DOCK8: variants seen among roughly 807,000 people sequenced by gnomAD.
DOCK8 encodes the protein dedicator of cytokinesis 8, also known as dedicator of cytokinesis protein 8.
DOCK8 carries 141 observed loss-of-function variants against 245.6 expected under a neutral mutation model. The observed-to-expected ratio is 0.57, with a 90% CI of 0.50 to 0.66. DOCK8 has a LOEUF of 0.66. DOCK8 is among the 30% of genes least tolerant of loss of function. The pLI, the probability that DOCK8 is intolerant of heterozygous loss-of-function variation, is 0.00. For synonymous variants in DOCK8, 1,168 were observed against 970.2 expected, an observed-to-expected ratio of 1.20 and a Z score of -3.79; for missense variants, 2,965 against 2,603.4, an observed-to-expected ratio of 1.14 and a Z score of -3.02.
At chr9:332,581 C>T in intron 10 of DOCK8, 103 bp downstream of exon 10, 1 of 773,464 alleles carries the variant, frequency 1.3e-6, no homozygotes, top group Middle Eastern at 2.5e-4. Flanking sequence ...CTAATGTGTC[C>T]CTATATAAGA....
rs146252128 is a variant in DOCK8, at chr9:387,351, G to T, written c.2874+925G>T. Among the ~76,000 whole-genome samples the T allele has an allele frequency of 2.2e-3, 340 of 151,732 alleles. 3 individuals are homozygous for T. The highest frequency in any genetic ancestry group is 7.9e-3 in the African/African-American group (325 of 41,340). ...TCAGCTACTCAGGAGGCTGAGGCAGGAGAATCACTTGAACACGGGAGGCAG... is the reference window on the plus strand; with the variant it reads ...TCAGCTACTCAGGAGGCTGAGGCAGTAGAATCACTTGAACACGGGAGGCAG... On this transcript the variant is annotated intron_variant, in intron 23 of 47. Coordinates refer to ENST00000432829, the MANE Select transcript of DOCK8 (RefSeq NM_203447.4).
intron 1 of DOCK8, among the ~76,000 whole-genome samples, chr9:258,383 G>C (rs2047831249): frequency 6.6e-6 from 1 of 152,124 alleles, no homozygotes; most frequent in African/African-American, 2.4e-5. Flanking sequence ...GCTATGCTGG[G>C]ACAAATAACT....
chr9:432,467 C>T, intron 37 of DOCK8, 143 bp downstream of exon 37: 4 of 800,266 alleles, frequency 5.0e-6, no homozygotes, highest in Middle Eastern at 3.0e-4. Flanking sequence ...CATGTGCTCT[C>T]AGCACTCTGA....
In DOCK8 at chr9:400,939, C is replaced by T. The variant is rs1368745338; in HGVS notation, c.3234+1680C>T. ...CCTTCACCATCACCACAACATCCAC[C>T]ACCACCATCACCACCACCACCACCA... On this transcript the variant is annotated intron_variant, in intron 26 of 47. Transcript: ENST00000432829. Among the ~76,000 whole-genome samples, 3 of 135,424 alleles carry T rather than the reference C, an allele frequency of 2.2e-5. 1 individual carries two copies. Among genetic ancestry groups the T allele is most frequent in the Non-Finnish European group, 3.2e-5 (2 of 61,972 alleles). 88.8% of individuals were successfully genotyped at this position (135,424 alleles called of 152,430 possible).
chr9:275,235 C>T (rs1272513390), intron 2 of DOCK8, among the ~76,000 whole-genome samples: 3 of 152,130 alleles, frequency 2.0e-5, no homozygotes, highest in African/African-American at 7.2e-5. Context: ...ACTATGGAGA[C>T]ACTGTGGGAG....
intron 28 of DOCK8, among the ~76,000 whole-genome samples, chr9:413,994 T>C (rs1189685404): frequency 6.6e-6 from 1 of 152,020 alleles, no homozygotes; most frequent in Non-Finnish European, 1.5e-5. Context: ...ATACAAAAAT[T>C]AGCCAGGTGT....
chr9:400,977 T>TCACCACCACCTCCACCATCACCACCAC lies in DOCK8; in HGVS notation c.3234+1725_3234+1726insACCTCCACCATCACCACCACCACCACC, dbSNP rs1397127411. Among the ~76,000 whole-genome samples, 15 of 65,816 alleles carry TCACCACCACCTCCACCATCACCACCAC rather than the reference T, an allele frequency of 2.3e-4. 2 individuals are homozygous for TCACCACCACCTCCACCATCACCACCAC. Among genetic ancestry groups the TCACCACCACCTCCACCATCACCACCAC allele is most frequent in the African/African-American group, 1.3e-3 (14 of 10,726 alleles). The allele number at this position is 65,816 out of a possible 152,430, so 43.2% of individuals were successfully genotyped here. ...ACCACCACCACCACCTCCTCCACCA[T>TCACCACCACCTCCACCATCACCACCAC]CACCACCTCCTCCACCACCACCACC... is the stretch of plus-strand genomic sequence containing the variant. On this transcript the variant is annotated intron_variant, in intron 26 of 47. Coordinates refer to ENST00000432829, the MANE Select transcript of DOCK8 (RefSeq NM_203447.4).
intron 12 of DOCK8, 43 bp from the exon 13 acceptor site, chr9:338,963 G>A (rs2051446203): frequency 8.3e-6 from 13 of 1,560,454 alleles, no homozygotes; most frequent in Non-Finnish European, 1.1e-5. Flanking sequence ...CAACCCAAGA[G>A]TCAAAGGTGC....
chr9:329,637 A>G (rs2050917865), intron 9 of DOCK8, among the ~76,000 whole-genome samples: 1 of 152,204 alleles, frequency 6.6e-6, no homozygotes, highest in African/African-American at 2.4e-5. Flanking sequence ...AAAGCCCACT[A>G]TGATAGCCCT....
chr9:234,410 G>T (rs371962578), intron 1 of DOCK8, among the ~76,000 whole-genome samples: 1 of 152,096 alleles, frequency 6.6e-6, no homozygotes, highest in Non-Finnish European at 1.5e-5. Context: ...TCTTTGTGGC[G>T]TTCTCTGTAT....
intron 24 of DOCK8, among the ~76,000 whole-genome samples, chr9:396,240 G>C (rs1259886179): frequency 6.6e-6 from 1 of 152,158 alleles, no homozygotes; most frequent in African/African-American, 2.4e-5. Flanking sequence ...TATAGGAGCA[G>C]AAGATAACTG....
At chr9:369,858 A>G (rs1428368045) in intron 15 of DOCK8, 1 of 276,196 alleles carries the variant, frequency 3.6e-6, no homozygotes, top group African/African-American at 2.2e-5. Context: ...CTGGGGTGCA[A>G]TGGTGCAATC....
chr9:305,536 C>T (rs10121619), intron 5 of DOCK8, among the ~76,000 whole-genome samples: 39,094 of 152,144 alleles, frequency 0.26, 5,445 homozygotes, highest in African/African-American at 0.36. Context: ...CCGCCCGCCT[C>T]GGCCTCCCAA....
rs1369342911 is a variant in DOCK8 at position 404,992 on chromosome 9, T to C, written c.3309T>C (p.His1103=). ...AGTTCCTGAGAATCCTCTGTAGCCATGAGCATTACCTCAATCTGAACCTTT... is the reference window on the plus strand; with the variant it reads ...AGTTCCTGAGAATCCTCTGTAGCCACGAGCATTACCTCAATCTGAACCTTT... ...RLEFLRILCS[H]EHYLNLNLFF... is the part of the protein sequence containing the mutation. Residue 1103 remains histidine, a synonymous_variant, in exon 27 of 48, where the codon CAT becomes CAC. Transcript: ENST00000432829. 1.2e-6 allele frequency: 2 copies of C among 1,614,076 alleles called. No homozygotes were observed. The highest frequency in any genetic ancestry group is 1.7e-6 in the Non-Finnish European group (2 of 1,179,966).
intron 32 of DOCK8, 125 bp downstream of exon 32, chr9:421,203 C>A: frequency 7.5e-7 from 1 of 1,337,266 alleles, no homozygotes; most frequent in Non-Finnish European, 1.1e-6. Context: ...GTGTCAGAGA[C>A]AGCGGATTCT....
intron 26 of DOCK8, among the ~76,000 whole-genome samples, chr9:400,853 ACCACCTCCT>A (rs2054972411): frequency 1.0e-5 from 1 of 97,138 alleles, no homozygotes; most frequent in African/African-American, 4.6e-5. Context: ...CTCCACCATC[ACCACCTCCT>A]CCACCATCAC....
intron 3 of DOCK8, 143 bp downstream of exon 3, chr9:286,779 T>TG: frequency 1.2e-6 from 1 of 828,300 alleles, no homozygotes; most frequent in Non-Finnish European, 2.0e-6. Flanking sequence ...AGCTATATGA[T>TG]ATCATCATGT....
chr9:375,758 A>C (rs1246279595), intron 18 of DOCK8, among the ~76,000 whole-genome samples: 1 of 152,184 alleles, frequency 6.6e-6, no homozygotes, highest in African/African-American at 2.4e-5. Flanking sequence ...ACATTTTGGG[A>C]GGCTGAAGTG....
rs147658306 is a variant in DOCK8 at position 328,475 on chromosome 9, C to G, written c.1044+304C>G. Among the ~76,000 whole-genome samples the G allele has an allele frequency of 8.3e-4, 127 of 152,306 alleles. 1 individual carries two copies. Among genetic ancestry groups the G allele is most frequent in the African/African-American group, 3.0e-3 (124 of 41,554 alleles). The stretch of plus-strand genomic sequence containing the variant: ...TCCTCATCTGTGAAGTGGAGATAAT[C>G]ACACTGACCTCAGTGGATAGTCATG... On this transcript the variant is annotated intron_variant, in intron 9 of 47. Coordinates refer to ENST00000432829, the MANE Select transcript of DOCK8 (RefSeq NM_203447.4).
Sources: allele counts gnomAD v4.1 joint callset (sites outside exome capture counted in the v4.1 genomes callset), GRCh38; gene constraint gnomAD v4.1.1; transcripts MANE v1.5; gene names NCBI Gene and HGNC (gene_info 2026-07-23, HGNC 2026-07-21).